STXBP5: variants seen among roughly 807,000 people sequenced by gnomAD.
STXBP5 encodes the protein syntaxin-binding protein 5.
In STXBP5, 50 loss-of-function variants were observed where a neutral mutation model predicts 152.4. The observed-to-expected ratio is 0.33, with a 90% CI of 0.26 to 0.42. STXBP5 has a LOEUF of 0.42. STXBP5 is among the 10% of genes least tolerant of loss of function. STXBP5 has a pLI of 1.00. For missense variants in STXBP5, 1,167 were observed against 1,388.6 expected (o/e 0.84, Z 2.54); for synonymous variants, 492 against 494.7 (o/e 0.99, Z 0.07).
At chr6:147,323,736 T>A (rs1371185125) in intron 16 of STXBP5, among the ~76,000 whole-genome samples, 2 of 152,170 alleles carry the variant, frequency 1.3e-5, no homozygotes, top group Non-Finnish European at 2.9e-5. Context: ...TTTGTCTAAT[T>A]TGACCATCTG....
intron 4 of STXBP5, among the ~76,000 whole-genome samples, chr6:147,259,533 CGTGT>C (rs1485972195): frequency 6.6e-6 from 1 of 152,012 alleles, no homozygotes; most frequent in Non-Finnish European, 1.5e-5. Context: ...GAATGAGTTG[CGTGT>C]GTATTTATTT....
At chr6:147,346,914 G>A (rs1215787514) in intron 21 of STXBP5, among the ~76,000 whole-genome samples, 1 of 152,176 alleles carries the variant, frequency 6.6e-6, no homozygotes, top group Admixed American at 6.5e-5. Context: ...GATACATGAG[G>A]TGAGCCCCAC....
At position 147,386,998 on chromosome 6, in the gene STXBP5, A is replaced by G. The variant is rs1339791410; in HGVS notation, c.*2243A>G. On this transcript the variant is annotated 3_prime_UTR_variant, in exon 28 of 28. Transcript: ENST00000321680. ...TAATTATTTTCAAATATAGAAGTAT[A>G]TACATTAGATGGATTTCCAAGATTT... The G allele has an allele frequency of 6.6e-6, 1 of 151,818 alleles. No individual in the cohort carries two copies. The highest frequency in any genetic ancestry group is 1.5e-5 in the Non-Finnish European group (1 of 67,752). The allele number at this position is 151,818 out of a possible 1,614,324, so 9.4% of individuals were successfully genotyped here.
At chr6:147,382,625 AAAAG>A (rs1162057482) in intron 26 of STXBP5, among the ~76,000 whole-genome samples, 149 bp from the exon 27 acceptor site, 1 of 152,172 alleles carries the variant, frequency 6.6e-6, no homozygotes, top group Non-Finnish European at 1.5e-5. Context: ...CAATCATAAC[AAAAG>A]AAAGCATGTA....
intron 11 of STXBP5, among the ~76,000 whole-genome samples, chr6:147,313,260 C>T (rs1582928856): frequency 6.6e-6 from 1 of 152,140 alleles, no homozygotes; most frequent in Non-Finnish European, 1.5e-5. Flanking sequence ...AGACTATTCT[C>T]ATTCTAAGGA....
At chr6:147,207,142 G>A (rs1776608647) in intron 2 of STXBP5, among the ~76,000 whole-genome samples, 1 of 152,056 alleles carries the variant, frequency 6.6e-6, no homozygotes, top group Non-Finnish European at 1.5e-5. Context: ...CTGCATTTGA[G>A]TTAAACATGT....
At chr6:147,359,758 A>G (rs533686568) in intron 23 of STXBP5, among the ~76,000 whole-genome samples, 32 of 151,764 alleles carry the variant, frequency 2.1e-4, no homozygotes, top group Admixed American at 1.2e-3. Context: ...ATGATTTCCA[A>G]TTTCATCCAT....
intron 18 of STXBP5, among the ~76,000 whole-genome samples, chr6:147,331,825 A>G (rs1045875537): frequency 6.6e-5 from 10 of 151,396 alleles, no homozygotes; most frequent in African/African-American, 2.4e-4. Flanking sequence ...AAAAAAAAAA[A>G]AACACACAAA....
At chr6:147,372,242 A>G (rs1785574646) in intron 25 of STXBP5, among the ~76,000 whole-genome samples, 1 of 151,958 alleles carries the variant, frequency 6.6e-6, no homozygotes, top group Non-Finnish European at 1.5e-5. Flanking sequence ...GGATAATGTT[A>G]ATATGGATAT....
intron 2 of STXBP5, among the ~76,000 whole-genome samples, chr6:147,228,292 CAG>C (rs1369341967): frequency 1.3e-5 from 2 of 152,062 alleles, no homozygotes; most frequent in Non-Finnish European, 2.9e-5. Context: ...TAGATCTTGT[CAG>C]GGGTTTGCTT....
At chr6:147,213,011 T>G (rs1776938229) in intron 2 of STXBP5, among the ~76,000 whole-genome samples, 1 of 152,182 alleles carries the variant, frequency 6.6e-6, no homozygotes, top group Admixed American at 6.5e-5. Flanking sequence ...AATATTGAGT[T>G]CCTAATCACA....
intron 19 of STXBP5, among the ~76,000 whole-genome samples, chr6:147,334,493 A>G (rs984118416): frequency 1.3e-5 from 2 of 152,122 alleles, no homozygotes; most frequent in Non-Finnish European, 2.9e-5. Context: ...TTTTTAGAGA[A>G]AATATATTTT....
At chr6:147,206,367 T>C (rs1776560342) in intron 2 of STXBP5, among the ~76,000 whole-genome samples, 1 of 152,228 alleles carries the variant, frequency 6.6e-6, no homozygotes, top group Non-Finnish European at 1.5e-5. Flanking sequence ...TATATCTGCT[T>C]CTATACTATT....
At chr6:147,233,630 G>A (rs1778122050) in intron 2 of STXBP5, among the ~76,000 whole-genome samples, 1 of 151,652 alleles carries the variant, frequency 6.6e-6, no homozygotes, top group African/African-American at 2.4e-5. Context: ...GAATAATTTA[G>A]CTGAAGCGAT....
intron 18 of STXBP5, among the ~76,000 whole-genome samples, chr6:147,331,003 A>G (rs1020089561): frequency 2.6e-5 from 4 of 152,228 alleles, no homozygotes; most frequent in African/African-American, 9.6e-5. Context: ...ACTATTTATT[A>G]CTTGGATCTT....
chr6:147,253,558 G>A (rs527257156), intron 4 of STXBP5, among the ~76,000 whole-genome samples: 32 of 152,228 alleles, frequency 2.1e-4, no homozygotes, highest in Non-Finnish European at 4.0e-4. Flanking sequence ...AAACCCCATC[G>A]TCTCAGCCCA....
At chr6:147,243,184 A>G (rs892933313) in intron 4 of STXBP5, among the ~76,000 whole-genome samples, 8 of 152,162 alleles carry the variant, frequency 5.3e-5, no homozygotes. Flanking sequence ...CTTAATGGCT[A>G]TACTATTTTG....
rs570695545 is a variant in STXBP5 at position 147,221,541 on chromosome 6, G to GT, written c.249-13696dup. Among the ~76,000 whole-genome samples, 504 of 143,112 alleles carry GT rather than the reference G, an allele frequency of 3.5e-3. 2 individuals carry two copies. Among genetic ancestry groups the GT allele is most frequent in the South Asian group, 0.011 (48 of 4,548 alleles). 93.9% of individuals were successfully genotyped at this position (143,112 alleles called of 152,430 possible). ...TAATTTTGCAGTGTACAGAATTCCAGTTTTTTTTTTTTTAACTTTCTGCAC... is the reference window on the plus strand; with the variant it reads ...TAATTTTGCAGTGTACAGAATTCCAGTTTTTTTTTTTTTTAACTTTCTGCAC... On this transcript the variant is annotated intron_variant, in intron 2 of 27. Coordinates refer to ENST00000321680, the MANE Select transcript of STXBP5 (RefSeq NM_001127715.4).
intron 26 of STXBP5, among the ~76,000 whole-genome samples, chr6:147,382,500 T>G (rs1786137776): frequency 1.3e-5 from 2 of 152,174 alleles, no homozygotes; most frequent in Non-Finnish European, 2.9e-5. Flanking sequence ...TTTATTTGTT[T>G]CATTAAATAT....
Sources: allele counts gnomAD v4.1 joint callset (sites outside exome capture counted in the v4.1 genomes callset), GRCh38; gene constraint gnomAD v4.1.1; transcripts MANE v1.5; gene names NCBI Gene and HGNC (gene_info 2026-07-23, HGNC 2026-07-21).